Variants in CNTN4 observed in about 807,000 individuals in gnomAD.
CNTN4 encodes the protein contactin-4.
A neutral mutation model predicts 122.5 loss-of-function variants in CNTN4; 77 were observed. The ratio of observed to expected loss-of-function variants is 0.63; its 90% CI spans 0.52 to 0.76. CNTN4 has a LOEUF of 0.76. CNTN4 is among the 30% of genes least tolerant of loss of function. CNTN4 has a pLI of 0.00. For synonymous variants in CNTN4, 512 were observed against 447.0 expected, an observed-to-expected ratio of 1.15 and a Z score of -1.83; for missense variants, 1,256 against 1,259.1, an observed-to-expected ratio of 1.00 and a Z score of 0.04.
At position 2,585,419 on chromosome 3, in the gene CNTN4, G is replaced by A. The variant is rs576145951; in HGVS notation, c.55+13861G>A. On this transcript the variant is annotated intron_variant, in intron 4 of 24. Coordinates refer to ENST00000418658, the MANE Select transcript of CNTN4 (RefSeq NM_175607.3). The stretch of plus-strand genomic sequence containing the variant: ...GTTTATTGCGGCACTATTCACAATA[G>A]CAAAGACTTGGAACCAACCCAAATG... Among the ~76,000 whole-genome samples the A allele has an allele frequency of 1.9e-4, 29 of 152,022 alleles. 2 individuals are homozygous for A. Among genetic ancestry groups the A allele is most frequent in the African/African-American group, 6.5e-4 (27 of 41,482 alleles).
chr3:2,569,773 A>G (rs986885119), intron 3 of CNTN4, among the ~76,000 whole-genome samples: 1 of 152,052 alleles, frequency 6.6e-6, no homozygotes, highest in South Asian at 2.1e-4. Flanking sequence ...GGTTTATTTG[A>G]TTGACTGATG....
intron 2 of CNTN4, among the ~76,000 whole-genome samples, chr3:2,102,922 T>G (rs1005728779): frequency 3.0e-5 from 4 of 133,540 alleles, no homozygotes; most frequent in African/African-American, 1.3e-4. Context: ...TAACCCTTGC[T>G]TTTTTTTTTT....
At chr3:2,853,589 T>C (rs2093582781) in intron 7 of CNTN4, among the ~76,000 whole-genome samples, 1 of 152,134 alleles carries the variant, frequency 6.6e-6, no homozygotes, top group African/African-American at 2.4e-5. Flanking sequence ...ATAGAATATT[T>C]CTTCTGAGTA....
At chr3:3,006,231 G>A (rs1386519414) in intron 14 of CNTN4, among the ~76,000 whole-genome samples, 1 of 152,032 alleles carries the variant, frequency 6.6e-6, no homozygotes, top group South Asian at 2.1e-4. Flanking sequence ...TTTTGGTTTT[G>A]GTTATTTGAA....
intron 3 of CNTN4, among the ~76,000 whole-genome samples, chr3:2,341,553 A>C (rs575852687): frequency 6.6e-6 from 1 of 152,218 alleles, no homozygotes; most frequent in South Asian, 2.1e-4. Flanking sequence ...GAAAGGCAGG[A>C]GGTAGGTTTC....
At chr3:2,449,200 C>T (rs909565752) in intron 3 of CNTN4, among the ~76,000 whole-genome samples, 1 of 152,070 alleles carries the variant, frequency 6.6e-6, no homozygotes, top group Non-Finnish European at 1.5e-5. Context: ...TTGCTATTTT[C>T]GAGATCATTA....
chr3:2,683,985 G>A (rs2085301929), intron 4 of CNTN4, among the ~76,000 whole-genome samples: 2 of 152,112 alleles, frequency 1.3e-5, no homozygotes, highest in Non-Finnish European at 2.9e-5. Flanking sequence ...TGAGAAAGGT[G>A]TTTACCTATC....
chr3:2,722,056 A>G (rs1213018296), intron 4 of CNTN4, among the ~76,000 whole-genome samples: 2 of 152,168 alleles, frequency 1.3e-5, no homozygotes, highest in African/African-American at 2.4e-5. Context: ...AGCCTCCAGA[A>G]CTGTAAGCAA....
intron 3 of CNTN4, among the ~76,000 whole-genome samples, chr3:2,392,295 A>T (rs2150893891): frequency 6.6e-6 from 1 of 152,182 alleles, no homozygotes; most frequent in Middle Eastern, 3.4e-3. Flanking sequence ...GATTTTATGT[A>T]TAAAGTCACT....
chr3:2,756,804 A>T (rs2090357793), intron 6 of CNTN4, among the ~76,000 whole-genome samples: 2 of 152,214 alleles, frequency 1.3e-5, no homozygotes, highest in African/African-American at 4.8e-5. Flanking sequence ...TAGAAGAAGC[A>T]GGGAAAGATT....
chr3:2,957,194 T>A (rs934590283), intron 13 of CNTN4, among the ~76,000 whole-genome samples: 1 of 128,732 alleles, frequency 7.8e-6, no homozygotes, highest in East Asian at 1.9e-4. Flanking sequence ...CTAATTTAAA[T>A]TTTTTTTTGA....
chr3:2,771,137 C>T (rs987404177), intron 6 of CNTN4, among the ~76,000 whole-genome samples: 1 of 152,184 alleles, frequency 6.6e-6, no homozygotes, highest in Non-Finnish European at 1.5e-5. Flanking sequence ...CCTCAGAATT[C>T]TCTTAAGTTG....
At chr3:2,670,788 G>C (rs2084463019) in intron 4 of CNTN4, among the ~76,000 whole-genome samples, 1 of 152,118 alleles carries the variant, frequency 6.6e-6, no homozygotes, top group Admixed American at 6.5e-5. Flanking sequence ...GGACAGGCCT[G>C]GTGGTGACAA....
intron 3 of CNTN4, among the ~76,000 whole-genome samples, chr3:2,566,657 G>A (rs2079173840): frequency 6.6e-6 from 1 of 152,188 alleles, no homozygotes; most frequent in South Asian, 2.1e-4. Flanking sequence ...GATAGTTAAT[G>A]CTCACATACA....
At chr3:2,456,312 A>G (rs754442708) in intron 3 of CNTN4, among the ~76,000 whole-genome samples, 1 of 152,078 alleles carries the variant, frequency 6.6e-6, no homozygotes, top group Admixed American at 6.6e-5. Context: ...ACCTGCCTCT[A>G]TTATTATGAA....
intron 8 of CNTN4, among the ~76,000 whole-genome samples, chr3:2,877,203 T>C (rs2093854444): frequency 6.6e-6 from 1 of 152,244 alleles, no homozygotes. Context: ...ATGTCATGAA[T>C]ATAAGGATCA....
intron 13 of CNTN4, among the ~76,000 whole-genome samples, chr3:2,933,300 A>T (rs980190111): frequency 1.3e-5 from 2 of 152,170 alleles, no homozygotes; most frequent in African/African-American, 4.8e-5. Context: ...TGACGTTGTC[A>T]GGGTGAGATT....
chr3:3,037,882 A>G lies in CNTN4; in HGVS notation c.2092+554A>G, dbSNP rs114153559. On this transcript the variant is annotated intron_variant, in intron 18 of 24. Coordinates refer to ENST00000418658, the MANE Select transcript of CNTN4 (RefSeq NM_175607.3). The stretch of plus-strand genomic sequence containing the variant: ...TCAGCAATTCAGTATGGCCCTCTGC[A>G]TATGCAGCTTGAATGAGCACGGGGA... Among the ~76,000 whole-genome samples the G allele has an allele frequency of 3.8e-3, 580 of 152,330 alleles. 4 individuals carry two copies. The highest frequency in any genetic ancestry group is 0.013 in the African/African-American group (558 of 41,580).
intron 4 of CNTN4, among the ~76,000 whole-genome samples, chr3:2,658,588 T>C (rs2083708873): frequency 6.6e-6 from 1 of 152,240 alleles, no homozygotes; most frequent in Admixed American, 6.5e-5. Context: ...TTCATATTTG[T>C]GAAGAATCAT....
Sources: allele counts gnomAD v4.1 joint callset (sites outside exome capture counted in the v4.1 genomes callset), GRCh38; gene constraint gnomAD v4.1.1; transcripts MANE v1.5; gene names NCBI Gene and HGNC (gene_info 2026-07-23, HGNC 2026-07-21).